Variants in CCDC138 observed in about 807,000 individuals in gnomAD.
CCDC138 encodes coiled-coil domain containing 138, also known as coiled-coil domain-containing protein 138.
A neutral mutation model predicts 82.3 loss-of-function variants in CCDC138; 66 were observed. The ratio of observed to expected loss-of-function variants is 0.80; its 90% confidence interval spans 0.66 to 0.98. The LOEUF is 0.98. Among genes scored for constraint, CCDC138 ranks in the 50% least tolerant of loss-of-function variants. CCDC138 has a pLI of 0.00. For synonymous variants in CCDC138, 297 were observed against 265.4 expected, an observed-to-expected ratio of 1.12 and a Z score of -1.16; for missense variants, 816 against 758.9, an observed-to-expected ratio of 1.08 and a Z score of -0.88.
chr2:108,877,820 A>G (rs1474886512), downstream of CCDC138, among the ~76,000 whole-genome samples: 1 of 152,268 alleles, frequency 6.6e-6, no homozygotes, highest in Non-Finnish European at 1.5e-5. Flanking sequence ...AAAGGGTTCT[A>G]TAATTAGATG....
intron 12 of CCDC138, among the ~76,000 whole-genome samples, chr2:108,854,536 G>A (rs1692292022): frequency 6.6e-6 from 1 of 152,114 alleles, no homozygotes; most frequent in African/African-American, 2.4e-5. Flanking sequence ...TTAAGAGTTG[G>A]TTTTACCTGA....
chr2:108,830,330 T>C (rs1358970258), intron 10 of CCDC138, among the ~76,000 whole-genome samples: 1 of 152,204 alleles, frequency 6.6e-6, no homozygotes, highest in Non-Finnish European at 1.5e-5. Context: ...TGGGGATGGA[T>C]AGTGATGATG....
chr2:108,827,404 C>T (rs1321086892), intron 10 of CCDC138, among the ~76,000 whole-genome samples: 2 of 152,066 alleles, frequency 1.3e-5, no homozygotes, highest in African/African-American at 2.4e-5. Flanking sequence ...TAGAAAACTA[C>T]AAATTTTATT....
intron 5 of CCDC138, among the ~76,000 whole-genome samples, chr2:108,796,135 G>A (rs1160200199): frequency 2.6e-5 from 4 of 152,116 alleles, no homozygotes; most frequent in African/African-American, 7.2e-5. Context: ...TGCAAGCTCC[G>A]CCTCCTGGGT....
intron 10 of CCDC138, among the ~76,000 whole-genome samples, chr2:108,828,989 A>C (rs1687090016): frequency 6.6e-6 from 1 of 152,156 alleles, no homozygotes; most frequent in Admixed American, 6.5e-5. Context: ...AAAAGAAAAA[A>C]ATTTAACTCA....
At chr2:108,848,726 C>T (rs1438544165) in intron 12 of CCDC138, among the ~76,000 whole-genome samples, 2 of 152,078 alleles carry the variant, frequency 1.3e-5, no homozygotes, top group East Asian at 3.9e-4. Flanking sequence ...GAGGCTTAGC[C>T]AACTTTAAAA....
intron 7 of CCDC138, among the ~76,000 whole-genome samples, chr2:108,806,210 C>T (rs965858833): frequency 1.3e-5 from 2 of 152,142 alleles, no homozygotes; most frequent in Non-Finnish European, 1.5e-5. Context: ...TGTTTGGAAT[C>T]CCACTTTATC....
At chr2:108,819,357 G>T (rs889380014) in intron 10 of CCDC138, among the ~76,000 whole-genome samples, 7 of 152,072 alleles carry the variant, frequency 4.6e-5, no homozygotes, top group African/African-American at 1.7e-4. Flanking sequence ...ACAAAATAAT[G>T]GACTGCATGT....
intron 13 of CCDC138, among the ~76,000 whole-genome samples, chr2:108,867,947 C>T (rs1040974268): frequency 6.6e-6 from 1 of 152,080 alleles, no homozygotes; most frequent in Non-Finnish European, 1.5e-5. Flanking sequence ...TTCTGATTAC[C>T]CTTGCCTTAG....
intron 12 of CCDC138, among the ~76,000 whole-genome samples, chr2:108,849,703 G>C (rs145386368): frequency 1.3e-5 from 2 of 152,288 alleles, no homozygotes; most frequent in East Asian, 3.9e-4. Context: ...AATCACTGTG[G>C]AACAAGGAAG....
chr2:108,820,777 CA>C (rs1685567539), intron 10 of CCDC138, among the ~76,000 whole-genome samples: 1 of 151,002 alleles, frequency 6.6e-6, no homozygotes. Flanking sequence ...AAGACTTTCT[CA>C]GATAAACAGT....
intron 6 of CCDC138, among the ~76,000 whole-genome samples, chr2:108,798,815 C>CCACACACACACACACACACA (rs746723907): frequency 3.1e-5 from 1 of 32,190 alleles, no homozygotes; most frequent in Non-Finnish European, 7.0e-5. Flanking sequence ...CTCTCCACAC[C>CCACACACACACACACACACA]TACACACACA....
chr2:108,877,151 G>C (rs1696075498), downstream of CCDC138, among the ~76,000 whole-genome samples: 5 of 152,178 alleles, frequency 3.3e-5, no homozygotes, highest in Admixed American at 3.3e-4. Flanking sequence ...GCCAAGGTGA[G>C]AATGGTGGAA....
intron 10 of CCDC138, among the ~76,000 whole-genome samples, chr2:108,827,054 T>C (rs1035577689): frequency 6.6e-6 from 1 of 152,204 alleles, no homozygotes; most frequent in South Asian, 2.1e-4. Flanking sequence ...ACATTACTAA[T>C]ATATGGTTAC....
chr2:108,841,505 ATCTC>A (rs1689476996), intron 11 of CCDC138, among the ~76,000 whole-genome samples: 1 of 152,074 alleles, frequency 6.6e-6, no homozygotes, highest in African/African-American at 2.4e-5. Context: ...GTCCTTCTCT[ATCTC>A]TGAACATTTG....
chr2:108,829,729 A>T (rs780063438), intron 10 of CCDC138, among the ~76,000 whole-genome samples: 1 of 152,172 alleles, frequency 6.6e-6, no homozygotes, highest in African/African-American at 2.4e-5. Flanking sequence ...CTGGGAGACA[A>T]ATTGAGACTG....
chr2:108,796,021 G>T lies in CCDC138; in HGVS notation c.576+1300G>T, dbSNP rs886736390. Among the ~76,000 whole-genome samples the T allele has an allele frequency of 2.0e-5, 3 of 152,074 alleles. No homozygotes were observed. The East Asian group carries it at 5.8e-4, about 29-fold the overall frequency. On this transcript the variant is annotated intron_variant, in intron 5 of 14. Coordinates refer to ENST00000295124, the MANE Select transcript of CCDC138 (RefSeq NM_144978.3). ...AAAAATGAAGTGCAATGGATTAACT[G>T]GTTTAATCAGTCTATAGTTTATTTT...
At chr2:108,790,208 T>C (rs1679679621) in intron 3 of CCDC138, among the ~76,000 whole-genome samples, 2 of 152,214 alleles carry the variant, frequency 1.3e-5, no homozygotes, top group African/African-American at 4.8e-5. Context: ...AGATTTAGGA[T>C]TTAGACATGA....
chr2:108,823,756 G>A (rs1480923220), intron 10 of CCDC138, among the ~76,000 whole-genome samples: 1 of 152,196 alleles, frequency 6.6e-6, no homozygotes, highest in Non-Finnish European at 1.5e-5. Context: ...CAAGGCAGGC[G>A]ATTACCTGAG....
Sources: gnomAD v4.1 joint callset for allele counts (sites outside exome capture counted in the v4.1 genomes callset) on GRCh38, gnomAD v4.1.1 for gene constraint, MANE v1.5 for transcripts, NCBI Gene and HGNC (gene_info 2026-07-23, HGNC 2026-07-21) for gene names.